Variants in NOTCH1 observed in about 807,000 individuals in gnomAD.
The protein encoded by NOTCH1 is notch receptor 1.
In NOTCH1, 37 loss-of-function variants were observed where a neutral mutation model predicts 254.8. That is an observed-to-expected ratio of 0.15 (90% CI 0.11 to 0.19). The LOEUF is 0.19. Among genes scored for constraint, NOTCH1 ranks in the 10% least tolerant of loss-of-function variants. The pLI is 1.00. For synonymous variants in NOTCH1, 1,731 were observed against 1,618.1 expected (o/e 1.07, Z -1.68); for missense variants, 2,972 against 3,708.6 (o/e 0.80, Z 5.16).
At chr9:136,502,205 G>A (rs1028379824) in intron 28 of NOTCH1, 67 bp downstream of exon 28, 13 of 1,280,248 alleles carry the variant, frequency 1.0e-5, no homozygotes, top group South Asian at 2.4e-5. Flanking sequence ...GCAGACTCCC[G>A]GTGAGGATGC....
chr9:136,522,167 C>T (rs1012563409), intron 4 of NOTCH1, among the ~76,000 whole-genome samples: 2 of 151,926 alleles, frequency 1.3e-5, no homozygotes, highest in Non-Finnish European at 2.9e-5. Context: ...TTAGTAGAGA[C>T]GGGGTTTCGC....
chr9:136,520,241 C>T (rs888222526), intron 4 of NOTCH1, among the ~76,000 whole-genome samples: 2 of 152,214 alleles, frequency 1.3e-5, no homozygotes, highest in Non-Finnish European at 2.9e-5. Flanking sequence ...AACCTGCAGC[C>T]GGTTACTAAT....
chr9:136,509,867 G>A lies in NOTCH1; in HGVS notation c.2835C>T (p.Asp945=). 1 of 1,613,158 alleles carries A rather than the reference G, an allele frequency of 6.2e-7. No homozygotes were observed. The highest frequency in any genetic ancestry group is 8.5e-7 in the Non-Finnish European group (1 of 1,180,024). The change falls in exon 18 of 34, where the codon GAC becomes GAT. Residue 945 remains aspartate, a synonymous_variant. Transcript: ENST00000651671. ...AGGGGTCACTGGCACACTCGTTGAT[G>A]TCCTCCTCACAGAAAGTGCCCCGGA... ...PGFRGTFCEE[D]INECASDPCR...
rs1278207381 is a variant in NOTCH1, at chr9:136,510,908, T to G, written c.2588-103A>C. 5.6e-5 allele frequency: 85 copies of G among 1,521,496 alleles called. No individual in the cohort carries two copies. In the Middle Eastern group the frequency reaches 2.1e-3, roughly 38 times the overall value. The allele number at this position is 1,521,496 out of a possible 1,614,324, so 94.2% of individuals were successfully genotyped here. A position where few individuals can be genotyped will look rare whatever the true frequency, so the allele number is the denominator to read the frequency against. Reference sequence around the variant, plus strand: ...TACAGTGCCTCTCCCGACCCAGGAGTAGGCTTCCGTGACCCCAGGACCATC... The same window carrying G: ...TACAGTGCCTCTCCCGACCCAGGAGGAGGCTTCCGTGACCCCAGGACCATC... On this transcript the variant is annotated intron_variant, in intron 16 of 33. Coordinates refer to ENST00000651671, the MANE Select transcript of NOTCH1 (RefSeq NM_017617.5).
Position 136,510,715 on chromosome 9 carries a change from CAGCGGT to C in NOTCH1, c.2672_2677del (p.Tyr891_Arg892del). On this transcript the variant is annotated inframe_deletion, in exon 17 of 34. Coordinates refer to ENST00000651671, the MANE Select transcript of NOTCH1 (RefSeq NM_017617.5). ...CCCACTGTAGCCGGCCTGGCAGTGG[CAGCGGT>C]AGCCGCCGTGGGTGTTCTGGCAGGA... The C allele has an allele frequency of 6.2e-7, 1 of 1,609,346 alleles. No homozygotes were observed. The highest frequency in any genetic ancestry group is 8.5e-7 in the Non-Finnish European group (1 of 1,179,562).
intron 2 of NOTCH1, among the ~76,000 whole-genome samples, chr9:136,536,617 C>T (rs1415202213): frequency 6.6e-6 from 1 of 152,232 alleles, no homozygotes; most frequent in Non-Finnish European, 1.5e-5. Flanking sequence ...CTGCCGCTGA[C>T]CCTGTCCCAG....
At chr9:136,504,587 GGC>G (rs1843046895) in intron 26 of NOTCH1, 84 bp downstream of exon 26, 1 of 1,353,318 alleles carries the variant, frequency 7.4e-7, no homozygotes, top group Non-Finnish European at 9.8e-7. Flanking sequence ...TGCTTGCCAT[GGC>G]GCCGGCCGTG....
rs1466608110 is a variant in NOTCH1 at position 136,517,909 on chromosome 9, C to T, written c.1284G>A (p.Lys428=). 2 of 1,611,998 alleles carry T rather than the reference C, an allele frequency of 1.2e-6. No homozygotes were observed. The highest frequency in any genetic ancestry group is 2.2e-5 in the East Asian group (1 of 44,866). The change falls in exon 8 of 34, where the codon AAG becomes AAA. Residue 428 remains lysine (K), a synonymous_variant. Transcript: ENST00000651671. Reference sequence around the variant, plus strand: ...CGAAGGAGCCCAGCGTGTTGATGCACTTGCCCGCATGCTCGCAGGGGTTGG... The same window carrying T: ...CGAAGGAGCCCAGCGTGTTGATGCATTTGCCCGCATGCTCGCAGGGGTTGG... The part of the protein sequence containing the change: ...LGANPCEHAG[K]CINTLGSFEC...
chr9:136,527,589 C>T (rs940530231), intron 2 of NOTCH1, among the ~76,000 whole-genome samples: 7 of 152,208 alleles, frequency 4.6e-5, no homozygotes, highest in South Asian at 2.1e-4. Context: ...AGATAGGGAA[C>T]GCCAGTCTCC....
rs533102436 is a variant in NOTCH1 at position 136,505,064 on chromosome 9, C to G, written c.4627G>C (p.Gly1543Arg). ...DQYCKDHFSD[G>R]HCDQGCNSAE... Reference sequence around the variant, plus strand: ...CTGTTGCAGCCCTGGTCGCAGTGCCCGTCGCTGAAGTGGTCCTTGCAGTAC... The same window carrying G: ...CTGTTGCAGCCCTGGTCGCAGTGCCGGTCGCTGAAGTGGTCCTTGCAGTAC... The change falls in exon 26 of 34, where the codon GGG (glycine) becomes CGG (arginine). Residue 1543 changes from glycine to arginine, a missense_variant. Transcript: ENST00000651671. The G allele has an allele frequency of 2.5e-6, 4 of 1,611,066 alleles. No individual in the cohort carries two copies. The highest frequency in any genetic ancestry group is 1.1e-5 in the South Asian group (1 of 90,974).
intron 15 of NOTCH1, among the ~76,000 whole-genome samples, chr9:136,512,642 G>C (rs891146579): frequency 6.6e-6 from 1 of 152,174 alleles, no homozygotes; most frequent in Non-Finnish European, 1.5e-5. Context: ...CCGGGAGCAC[G>C]GAGCCCAGTG....
rs1157749436 is a variant in NOTCH1 at position 136,515,411 on chromosome 9, G to C, written c.1904-11C>G. 3 of 1,612,748 alleles carry C rather than the reference G, an allele frequency of 1.9e-6. No individual in the cohort carries two copies. Among genetic ancestry groups the C allele is most frequent in the Non-Finnish European group, 2.5e-6 (3 of 1,179,864 alleles). ...TCTCGCAGTTGGGTCCTGAAGGGGTGGCACGTGTCGGTCAGTCCTCAGGCC... is the reference window on the plus strand; with the variant it reads ...TCTCGCAGTTGGGTCCTGAAGGGGTCGCACGTGTCGGTCAGTCCTCAGGCC... On this transcript the variant is annotated splice_polypyrimidine_tract_variant and intron_variant, in intron 11 of 33. Transcript: ENST00000651671.
intron 26 of NOTCH1, among the ~76,000 whole-genome samples, chr9:136,504,395 A>G (rs1363709907): frequency 6.6e-6 from 1 of 152,148 alleles, no homozygotes; most frequent in Admixed American, 6.5e-5. Context: ...CAATCTCAAA[A>G]TCACCTACTG....
Position 136,496,679 on chromosome 9 carries a change from G to C in NOTCH1, c.7060C>G (p.Leu2354Val). 1 of 1,612,900 alleles carries C rather than the reference G, an allele frequency of 6.2e-7. No homozygotes were observed. Among genetic ancestry groups the C allele is most frequent in the Non-Finnish European group, 8.5e-7 (1 of 1,179,924 alleles). ...HGMVGPLHSS[L>V]AASALSQMMS... ...ATCTGGGACAGGGCGCTGGCAGCAA[G>C]GCTACTGTGCAGCGGGCCTACCATG... Residue 2354 changes from leucine (L) to valine (V), a missense_variant, in exon 34 of 34, where the codon CTT (leucine) becomes GTT (valine). Transcript: ENST00000651671.
Position 136,530,596 on chromosome 9 carries a change from G to A in NOTCH1, c.141-6617C>T, listed in dbSNP as rs1223830758. ...TAGGTGTCACCAAAGTGCCCCCGCA[G>A]GCTGTTTGGAGTGTGAAAAACGCCT... On this transcript the variant is annotated intron_variant, in intron 2 of 33. Coordinates refer to ENST00000651671, the MANE Select transcript of NOTCH1 (RefSeq NM_017617.5). Among the ~76,000 whole-genome samples, 3 of 152,186 alleles carry A rather than the reference G, an allele frequency of 2.0e-5. No individual in the cohort carries two copies. The East Asian group carries it at 5.8e-4, about 29-fold the overall frequency.
At chr9:136,521,138 T>G (rs1843360855) in intron 4 of NOTCH1, among the ~76,000 whole-genome samples, 2 of 152,194 alleles carry the variant, frequency 1.3e-5, no homozygotes, top group Non-Finnish European at 2.9e-5. Flanking sequence ...GGGGCCTGGG[T>G]GCAGGGGCCG....
Position 136,497,531 on chromosome 9 carries a change from G to C in NOTCH1, c.6208C>G (p.Arg2070Gly), listed in dbSNP as rs1432074829. The change falls in exon 34 of 34, where the codon CGG becomes GGG. Residue 2070 changes from arginine to glycine, a missense_variant. Physicochemically the swap from Arg to Gly is moderately radical, Grantham distance 125 (BLOSUM62 -2). This residue lies in a region of NOTCH1 where 421 missense variants were observed against 604.4 expected (regional missense o/e 0.70). Transcript: ENST00000651671. ...TTGGCGGTCTCGTAGCTGCCCTCCC[G>C]GGCGGCCAGAAACAGGGGTGTCTCC... The part of the protein sequence containing the change: ...REETPLFLAA[R>G]EGSYETAKVL... 1 of 1,607,298 alleles carries C rather than the reference G, an allele frequency of 6.2e-7. No homozygotes were observed. The highest frequency in any genetic ancestry group is 8.5e-7 in the Non-Finnish European group (1 of 1,177,328).
chr9:136,509,677 T>G (rs1429269762), intron 18 of NOTCH1, 56 bp downstream of exon 18: 5 of 1,531,226 alleles, frequency 3.3e-6, no homozygotes, highest in Non-Finnish European at 4.5e-6. Context: ...TGCCAGCTAC[T>G]GCGTGTGGCC....
chr9:136,518,853 G>A (rs1283253360), intron 5 of NOTCH1, 29 bp from the exon 6 acceptor site: 11 of 1,596,754 alleles, frequency 6.9e-6, no homozygotes, highest in Non-Finnish European at 8.6e-6. Context: ...GTCGGCCCCG[G>A]GCAGCTGCCA....
Sources: gnomAD v4.1 joint callset for allele counts (sites outside exome capture counted in the v4.1 genomes callset) on GRCh38, gnomAD v4.1.1 for gene constraint, gnomAD v4.1.1 regional missense constraint, MANE v1.5 for transcripts, NCBI Gene and HGNC (gene_info 2026-07-23, HGNC 2026-07-21) for gene names.